Variants in CCNY observed in about 807,000 individuals in gnomAD.
CCNY encodes cyclin-Y.
In CCNY, 19 loss-of-function variants were observed where a neutral mutation model predicts 42.8. The ratio of observed to expected loss-of-function variants is 0.44; its 90% CI spans 0.31 to 0.65. The LOEUF (loss-of-function observed/expected upper bound fraction) is 0.65. CCNY is among the 30% of genes least tolerant of loss of function. The pLI, the probability that CCNY is intolerant of heterozygous loss-of-function variation, is 0.07. For missense variants in CCNY, 370 were observed against 437.3 expected, an observed-to-expected ratio of 0.85 and a Z score of 1.37; for synonymous variants, 165 against 162.7, an observed-to-expected ratio of 1.01 and a Z score of -0.11.
intron 3 of CCNY, among the ~76,000 whole-genome samples, chr10:35,286,105 C>A (rs1243112619): frequency 6.6e-6 from 1 of 152,084 alleles, no homozygotes; most frequent in East Asian, 1.9e-4. Flanking sequence ...AACCACCACG[C>A]CTGGCCTGGA....
chr10:35,300,483 G>A (rs756227198), intron 3 of CCNY, among the ~76,000 whole-genome samples: 2 of 151,996 alleles, frequency 1.3e-5, no homozygotes, highest in African/African-American at 2.4e-5. Context: ...CTTCTCTAGC[G>A]TCCTGCTGTT....
chr10:35,473,285 G>T (rs1363314546), intron 1 of CCNY, among the ~76,000 whole-genome samples: 3 of 152,240 alleles, frequency 2.0e-5, no homozygotes, highest in African/African-American at 7.2e-5. Flanking sequence ...CGGCTTCTGT[G>T]TGGTGTCGTC....
intron 1 of CCNY, among the ~76,000 whole-genome samples, chr10:35,470,717 G>C (rs1839375966): frequency 6.6e-6 from 1 of 152,202 alleles, no homozygotes. Flanking sequence ...TGGGAATGCT[G>C]ATGTGGGCTG....
chr10:35,467,133 T>C (rs1471367885), intron 1 of CCNY, among the ~76,000 whole-genome samples: 1 of 152,206 alleles, frequency 6.6e-6, no homozygotes, highest in Non-Finnish European at 1.5e-5. Context: ...GTGTGAATAA[T>C]TGTATGTACA....
At chr10:35,289,837 C>T (rs936255397) in intron 3 of CCNY, among the ~76,000 whole-genome samples, 1 of 149,322 alleles carries the variant, frequency 6.7e-6, no homozygotes, top group Admixed American at 6.7e-5. Flanking sequence ...TGAAATCACC[C>T]CACTGCATTC....
intron 8 of CCNY, among the ~76,000 whole-genome samples, chr10:35,561,725 G>A (rs966530421): frequency 1.4e-4 from 22 of 152,370 alleles, no homozygotes; most frequent in African/African-American, 5.0e-4. Context: ...TTATCCAACA[G>A]TGAGAACTTG....
intron 2 of CCNY, among the ~76,000 whole-genome samples, chr10:35,499,486 A>G (rs764182843): frequency 6.6e-6 from 1 of 152,230 alleles, no homozygotes; most frequent in Non-Finnish European, 1.5e-5. Context: ...CAGCCAAACC[A>G]TATCAGCTTT....
At chr10:35,270,887 G>A (rs998956671) in intron 3 of CCNY, among the ~76,000 whole-genome samples, 4 of 151,588 alleles carry the variant, frequency 2.6e-5, no homozygotes, top group South Asian at 2.1e-4. Flanking sequence ...CACCACACCC[G>A]GCTAATTTTT....
At chr10:35,307,739 T>C (rs1343173533) in intron 3 of CCNY, among the ~76,000 whole-genome samples, 1 of 150,376 alleles carries the variant, frequency 6.6e-6, no homozygotes, top group Non-Finnish European at 1.5e-5. Context: ...TATGTATATA[T>C]ATACATATTG....
chr10:35,555,937 T>G (rs1478096102), intron 8 of CCNY, among the ~76,000 whole-genome samples: 1 of 152,224 alleles, frequency 6.6e-6, no homozygotes, highest in Non-Finnish European at 1.5e-5. Flanking sequence ...AGTTACTGTA[T>G]TGAATGAAGC....
intron 7 of CCNY, among the ~76,000 whole-genome samples, chr10:35,545,460 G>A (rs1490758075): frequency 6.6e-6 from 1 of 152,212 alleles, no homozygotes; most frequent in African/African-American, 2.4e-5. Flanking sequence ...ATGTGTGGGT[G>A]CCCAGCCTCA....
At chr10:35,399,246 G>A (rs1837591121) in intron 1 of CCNY, among the ~76,000 whole-genome samples, 1 of 152,148 alleles carries the variant, frequency 6.6e-6, no homozygotes, top group Non-Finnish European at 1.5e-5. Flanking sequence ...GCATGGTGAG[G>A]TCGTAGCTCC....
chr10:35,285,474 G>GA (rs1014530537), intron 3 of CCNY, among the ~76,000 whole-genome samples: 2 of 152,178 alleles, frequency 1.3e-5, no homozygotes, highest in African/African-American at 4.8e-5. Context: ...ACCCAGACTG[G>GA]AGTGTGGTGG....
intron 3 of CCNY, among the ~76,000 whole-genome samples, chr10:35,511,201 T>C (rs1316160135): frequency 6.6e-6 from 1 of 152,142 alleles, no homozygotes; most frequent in Non-Finnish European, 1.5e-5. Context: ...CTTCCCACAG[T>C]TGGGGGCAGT....
At chr10:35,543,300 G>C (rs1045580474) in intron 7 of CCNY, among the ~76,000 whole-genome samples, 1 of 152,196 alleles carries the variant, frequency 6.6e-6, no homozygotes, top group Non-Finnish European at 1.5e-5. Context: ...CAGCAAAAAG[G>C]GGAGGGCCCA....
At chr10:35,549,632 C>T (rs1417718318) in intron 7 of CCNY, among the ~76,000 whole-genome samples, 1 of 140,588 alleles carries the variant, frequency 7.1e-6, no homozygotes, top group Non-Finnish European at 1.5e-5. Context: ...CCCTACAGTG[C>T]TCGTGACCCT....
intron 1 of CCNY, among the ~76,000 whole-genome samples, chr10:35,390,023 G>A (rs1464550131): frequency 2.0e-5 from 3 of 152,236 alleles, no homozygotes; most frequent in Non-Finnish European, 4.4e-5. Flanking sequence ...AATGGAAAAT[G>A]AGGAAGATCT....
At chr10:35,556,311 G>A (rs1841361788) in intron 8 of CCNY, among the ~76,000 whole-genome samples, 1 of 152,182 alleles carries the variant, frequency 6.6e-6, no homozygotes, top group African/African-American at 2.4e-5. Flanking sequence ...GCAGATCATG[G>A]GGAGATGCAG....
At chr10:35,329,905 A>G (rs550602121) in intron 3 of CCNY, among the ~76,000 whole-genome samples, 1 of 152,218 alleles carries the variant, frequency 6.6e-6, no homozygotes, top group Non-Finnish European at 1.5e-5. Context: ...AGTAGGGTCT[A>G]TTGAGCTGCT....
Sources: gnomAD v4.1 joint callset for allele counts (sites outside exome capture counted in the v4.1 genomes callset) on GRCh38, gnomAD v4.1.1 for gene constraint, MANE v1.5 for transcripts, NCBI Gene and HGNC (gene_info 2026-07-23, HGNC 2026-07-21) for gene names.